Variants in MSL3B observed in about 807,000 individuals in gnomAD.
MSL3B encodes the protein MSL complex subunit 3B, also known as MSL complex subunit 3 pseudogene 1.
the MSL3B span, among the ~76,000 whole-genome samples, chr2:233,864,857 G>A: frequency 6.6e-6 from 1 of 152,160 alleles, no homozygotes; most frequent in Non-Finnish European, 1.5e-5. Context: ...TTAGCCTTGT[G>A]ACATACCTTA....
chr2:233,865,780 C>T, the MSL3B span: 10 of 167,884 alleles, frequency 6.0e-5, no homozygotes, highest in Non-Finnish European at 7.7e-5. Context: ...TAACAAATAA[C>T]GAAACAATGT....
the MSL3B span, chr2:233,866,635 G>C: frequency 1.3e-6 from 1 of 796,710 alleles, no homozygotes; most frequent in Non-Finnish European, 2.3e-6. Context: ...TGGCGGTGTG[G>C]GGCGAGGACC....
chr2:233,867,490 T>C, the MSL3B span: 1 of 335,926 alleles, frequency 3.0e-6, no homozygotes, highest in Non-Finnish European at 5.5e-6. Context: ...TTTCTTTTTT[T>C]TGTGACAAGA....
At chr2:233,866,135 T>TA in the MSL3B span, 1 of 596,906 alleles carries the variant, frequency 1.7e-6, no homozygotes, top group Non-Finnish European at 3.3e-6. Context: ...TCAACACTTA[T>TA]TGACTGCCTG....
chr2:233,867,399 T>G, the MSL3B span: 8 of 527,742 alleles, frequency 1.5e-5, no homozygotes, highest in Non-Finnish European at 2.7e-5. Context: ...AGCGGCTGCT[T>G]CTTTCTCTCT....
chr2:233,867,708 C>T, the MSL3B span, among the ~76,000 whole-genome samples: 1 of 151,844 alleles, frequency 6.6e-6, no homozygotes, highest in African/African-American at 2.4e-5. Flanking sequence ...AAACTCCTGA[C>T]CTCAAGTGAT....
the MSL3B span, among the ~76,000 whole-genome samples, chr2:233,865,197 C>A: frequency 6.6e-6 from 1 of 152,192 alleles, no homozygotes; most frequent in Non-Finnish European, 1.5e-5. Context: ...CTAAAATTTA[C>A]ATTAAAATGT....
At chr2:233,866,213 T>A in the MSL3B span, 18 of 673,354 alleles carry the variant, frequency 2.7e-5, no homozygotes, top group East Asian at 6.1e-4. Flanking sequence ...GAAGTCATCG[T>A]GGTATTCTGC....
the MSL3B span, chr2:233,866,338 C>A: frequency 2.5e-6 from 2 of 811,062 alleles, no homozygotes; most frequent in Non-Finnish European, 4.4e-6. Context: ...GCAAATGTTG[C>A]GCCCCGTAAA....
chr2:233,868,073 G>C, the MSL3B span: 42 of 269,094 alleles, frequency 1.6e-4, no homozygotes, highest in East Asian at 2.3e-3. Flanking sequence ...CAGGCGTGAG[G>C]CACCGCACCT....
the MSL3B span, chr2:233,867,376 C>A: frequency 3.5e-6 from 2 of 570,802 alleles, no homozygotes; most frequent in African/African-American, 3.8e-5. Flanking sequence ...AGAGTCAGCA[C>A]CAAGCAACCT....
chr2:233,867,220 T>C, the MSL3B span: 6 of 769,472 alleles, frequency 7.8e-6, no homozygotes, highest in South Asian at 8.3e-5. Context: ...GAAGCTCCGG[T>C]TCTTCTTTCA....
chr2:233,867,336 C>T, the MSL3B span: 2 of 650,142 alleles, frequency 3.1e-6, no homozygotes, highest in Non-Finnish European at 2.8e-6. Context: ...TCATTTTTTT[C>T]TTCGATGGAG....
At chr2:233,866,510 T>G in the MSL3B span, 13 of 1,215,232 alleles carry the variant, frequency 1.1e-5, no homozygotes, top group South Asian at 1.6e-4. Context: ...TGATCTGCTA[T>G]GCACAGGTGT....
chr2:233,868,347 C>A, the MSL3B span: 18 of 169,308 alleles, frequency 1.1e-4, no homozygotes, highest in South Asian at 1.9e-3. Flanking sequence ...AGGCCTCCTC[C>A]GTCGGCGGCT....
At chr2:233,867,678 A>G in the MSL3B span, among the ~76,000 whole-genome samples, 2 of 151,198 alleles carry the variant, frequency 1.3e-5, no homozygotes, top group East Asian at 3.9e-4. Flanking sequence ...GGGTTTCACC[A>G]TGTTGGCCAG....
At chr2:233,866,487 G>A in the MSL3B span, 2 of 1,260,528 alleles carry the variant, frequency 1.6e-6, no homozygotes, top group Admixed American at 3.4e-5. Context: ...CTAGGAGTCA[G>A]AGTAGGTGAA....
At chr2:233,866,200 G>A in the MSL3B span, 9 of 659,600 alleles carry the variant, frequency 1.4e-5, no homozygotes, top group Non-Finnish European at 2.3e-5. Flanking sequence ...CTGACTCTGG[G>A]AAGAAGTCAT....
At chr2:233,865,294 T>G in the MSL3B span, 2 of 152,222 alleles carry the variant, frequency 1.3e-5, no homozygotes, top group Admixed American at 6.5e-5. Context: ...ACCTACTTTT[T>G]CAGGGGGAGC....
Sources: gnomAD v4.1 joint callset for allele counts (sites outside exome capture counted in the v4.1 genomes callset) on GRCh38, gnomAD v4.1.1 for gene constraint, MANE v1.5 for transcripts, NCBI Gene and HGNC (gene_info 2026-07-23, HGNC 2026-07-21) for gene names.